PCDHGA4: variants seen among roughly 807,000 people sequenced by gnomAD.
PCDHGA4 encodes the protein protocadherin gamma subfamily A, 4.
PCDHGA4 carries 38 observed loss-of-function variants against 54.6 expected under a neutral mutation model. That is an observed-to-expected ratio of 0.70 (90% CI 0.54 to 0.91). The LOEUF (loss-of-function observed/expected upper bound fraction) is 0.91, where lower values mean the gene tolerates loss of function less well. Ranked by LOEUF, PCDHGA4 falls within the 40% of genes least tolerant of loss-of-function variation. PCDHGA4 has a pLI of 0.00. For missense variants in PCDHGA4, 1,298 were observed against 1,220.9 expected (o/e 1.06, Z -0.94); for synonymous variants, 511 against 512.9 (o/e 1.00, Z 0.05).
chr5:141,384,934 G>A (rs750109041), intron 1 of PCDHGA4: 1 of 1,614,050 alleles, frequency 6.2e-7, no homozygotes, highest in Admixed American at 1.7e-5. Flanking sequence ...GGGCAGCCTT[G>A]AGCCCTCCGA....
At position 141,477,530 on chromosome 5, in the gene PCDHGA4, C is replaced by A; in HGVS notation, c.2515-17277C>A. The A allele has an allele frequency of 6.2e-7, 1 of 1,614,186 alleles. No homozygotes were observed. The highest frequency in any genetic ancestry group is 1.1e-5 in the South Asian group (1 of 91,082). ...CGTTTACATTGAAGAAAACAACCTCCCCGGGGCTCCAATACTAAACCTAAG... is the reference window on the plus strand; with the variant it reads ...CGTTTACATTGAAGAAAACAACCTCACCGGGGCTCCAATACTAAACCTAAG... On this transcript the variant is annotated intron_variant, in intron 1 of 3. Coordinates refer to ENST00000571252, the MANE Select transcript of PCDHGA4 (RefSeq NM_018917.4). The surrounding 1 kb of genome is among the most constrained non-coding windows in gnomAD (Gnocchi z 4.9).
intron 1 of PCDHGA4, chr5:141,478,910 A>C (rs568573298): frequency 1.1e-6 from 1 of 893,688 alleles, no homozygotes; most frequent in Non-Finnish European, 1.6e-6. Context: ...AAGCTGCTGG[A>C]TACCTCTAAC....
chr5:141,392,964 G>A (rs772870041), intron 1 of PCDHGA4: 2 of 1,613,902 alleles, frequency 1.2e-6, no homozygotes, highest in South Asian at 1.1e-5. Context: ...TATCTCCAAG[G>A]ACCTGGGGCT....
intron 1 of PCDHGA4, among the ~76,000 whole-genome samples, chr5:141,380,809 T>G (rs1475702152): frequency 6.6e-6 from 1 of 152,192 alleles, no homozygotes; most frequent in Non-Finnish European, 1.5e-5. Flanking sequence ...AAATGTGAGA[T>G]GAAACTATGA....
At chr5:141,372,610 T>A in intron 1 of PCDHGA4, 3 of 1,613,984 alleles carry the variant, frequency 1.9e-6, no homozygotes, top group Non-Finnish European at 2.5e-6. Flanking sequence ...GTACCTGGAG[T>A]TCTCCCCACC....
intron 1 of PCDHGA4, chr5:141,414,799 G>T (rs1177065576): frequency 1.9e-6 from 3 of 1,614,096 alleles, no homozygotes; most frequent in Non-Finnish European, 2.5e-6. Flanking sequence ...CAGCGACAGC[G>T]GGGATCCTCC....
intron 1 of PCDHGA4, among the ~76,000 whole-genome samples, chr5:141,402,682 T>C (rs1012328239): frequency 2.0e-5 from 3 of 152,256 alleles, no homozygotes; most frequent in South Asian, 4.1e-4. Context: ...CCATCTGATA[T>C]AATGTTACAC....
At chr5:141,415,863 GTGT>G in intron 1 of PCDHGA4, 1 of 1,107,154 alleles carries the variant, frequency 9.0e-7, no homozygotes, top group Non-Finnish European at 1.2e-6. Flanking sequence ...GTAGTTTATA[GTGT>G]TGTTGAGTAC....
intron 1 of PCDHGA4, chr5:141,439,815 T>C (rs1027862858): frequency 5.3e-5 from 8 of 152,314 alleles, no homozygotes; most frequent in African/African-American, 1.9e-4. Flanking sequence ...AAGGGGCTTA[T>C]TTGGGCTGGA....
intron 1 of PCDHGA4, chr5:141,407,908 G>C (rs1431775491): frequency 2.4e-6 from 1 of 420,166 alleles, no homozygotes; most frequent in Non-Finnish European, 4.2e-6. Flanking sequence ...ATGAAAAACC[G>C]GGCTGCTGTC....
intron 2 of PCDHGA4, among the ~76,000 whole-genome samples, chr5:141,496,733 C>A (rs1221912777): frequency 6.6e-6 from 1 of 152,138 alleles, no homozygotes; most frequent in Non-Finnish European, 1.5e-5. Context: ...TGTATTCATT[C>A]GTTCATTTAT....
chr5:141,444,363 G>A (rs1292799006), intron 1 of PCDHGA4, among the ~76,000 whole-genome samples: 1 of 151,772 alleles, frequency 6.6e-6, no homozygotes, highest in Non-Finnish European at 1.5e-5. Context: ...TAGAGACGGG[G>A]TTTCTCCATG....
chr5:141,447,648 T>A (rs1262852729), intron 1 of PCDHGA4, among the ~76,000 whole-genome samples: 3 of 152,164 alleles, frequency 2.0e-5, no homozygotes, highest in African/African-American at 4.8e-5. Flanking sequence ...ATGGTAGAAT[T>A]TTCCCCCCCA....
chr5:141,399,396 G>C, intron 1 of PCDHGA4: 1 of 1,613,960 alleles, frequency 6.2e-7, no homozygotes, highest in Non-Finnish European at 8.5e-7. Flanking sequence ...CCACAGACAG[G>C]GGCAAGCCGC....
At chr5:141,480,285 T>C (rs1369369395) in intron 1 of PCDHGA4, among the ~76,000 whole-genome samples, 1 of 151,924 alleles carries the variant, frequency 6.6e-6, no homozygotes, top group East Asian at 1.9e-4. Flanking sequence ...TGTGTTGGCA[T>C]GCACCTGTGG....
chr5:141,484,697 T>C (rs746981788), intron 1 of PCDHGA4, among the ~76,000 whole-genome samples: 11 of 151,988 alleles, frequency 7.2e-5, no homozygotes, highest in Non-Finnish European at 1.3e-4. Context: ...AGGCTGTGGC[T>C]GTTTTCCCCG....
At chr5:141,368,027 C>A (rs1267918873) in intron 1 of PCDHGA4, among the ~76,000 whole-genome samples, 1 of 152,084 alleles carries the variant, frequency 6.6e-6, no homozygotes, top group Non-Finnish European at 1.5e-5. Flanking sequence ...GCCTCAAATT[C>A]CAGGAGGATG....
chr5:141,403,079 T>A (rs770770660), intron 1 of PCDHGA4: 1 of 1,614,064 alleles, frequency 6.2e-7, no homozygotes, highest in East Asian at 2.2e-5. Context: ...AGAAAAGGGC[T>A]ATATTGTGGG....
intron 1 of PCDHGA4, among the ~76,000 whole-genome samples, chr5:141,450,487 G>A (rs1379694010): frequency 1.3e-5 from 2 of 151,938 alleles, no homozygotes; most frequent in African/African-American, 2.4e-5. Context: ...TTGTTTGTTT[G>A]TCTGTTTGTT....
Sources: gnomAD v4.1 joint callset for allele counts (sites outside exome capture counted in the v4.1 genomes callset) on GRCh38, gnomAD v4.1.1 for gene constraint, Gnocchi (gnomAD v3.1) non-coding constraint, MANE v1.5 for transcripts, NCBI Gene and HGNC (gene_info 2026-07-23, HGNC 2026-07-21) for gene names.